BRCA1: variants seen among roughly 807,000 people sequenced by gnomAD.
BRCA1 encodes BRCA1 DNA repair associated.
A neutral mutation model predicts 173.7 loss-of-function variants in BRCA1; 140 were observed. The ratio of observed to expected loss-of-function variants is 0.81; its 90% CI spans 0.70 to 0.93. BRCA1 has a LOEUF of 0.93. Among genes scored for constraint, BRCA1 ranks in the 40% least tolerant of loss-of-function variants. BRCA1 has a pLI of 0.00. For missense variants in BRCA1, 1,983 were observed against 2,172.5 expected (o/e 0.91, Z 1.73); for synonymous variants, 662 against 756.0 (o/e 0.88, Z 2.04).
Position 43,106,451 on chromosome 17 carries a change from T to A in BRCA1, c.212+5A>T, listed in dbSNP as rs2054767462. 1 of 1,570,424 alleles carries A rather than the reference T, an allele frequency of 6.4e-7. No homozygotes were observed. Among genetic ancestry groups the A allele is most frequent in the African/African-American group, 1.3e-5 (1 of 74,082 alleles). ...CCAACCTAGCATCATTACCAAATTA[T>A]ATACCTTTTGGTTATATCATTCTTA... On this transcript the variant is annotated splice_donor_5th_base_variant and intron_variant, in intron 4 of 22. Coordinates refer to ENST00000357654, the MANE Select transcript of BRCA1 (RefSeq NM_007294.4).
intron 1 of BRCA1, chr17:43,166,855 G>C (rs551571196): frequency 3.0e-4 from 45 of 152,264 alleles, no homozygotes; most frequent in African/African-American, 1.0e-3. Flanking sequence ...GAGTAGGCAA[G>C]TTCCCAAGAC....
Position 43,044,804 on chromosome 17 carries a change from C to CTTTT in BRCA1, c.*870_*873dup, listed in dbSNP as rs59541324. ...AGAAATCTCTTCTAGTTTCATTTTC[C>CTTTT]TTTTTTTTTTTTTTTTTTTGAGCCA... is the stretch of plus-strand genomic sequence containing the variant. On this transcript the variant is annotated 3_prime_UTR_variant, in exon 23 of 23. Coordinates refer to ENST00000357654, the MANE Select transcript of BRCA1 (RefSeq NM_007294.4). 7 of 381,476 alleles carry CTTTT rather than the reference C, an allele frequency of 1.8e-5. No individual in the cohort carries two copies. Among genetic ancestry groups the CTTTT allele is most frequent in the East Asian group, 5.9e-5 (1 of 16,810 alleles). The allele number at this position is 381,476 out of a possible 1,614,324, so 23.6% of individuals were successfully genotyped here.
chr17:43,105,526 C>G (rs1393922936), intron 4 of BRCA1, among the ~76,000 whole-genome samples: 5 of 152,138 alleles, frequency 3.3e-5, no homozygotes, highest in Non-Finnish European at 5.9e-5. Context: ...TAGGCATGAG[C>G]AATCACACCC....
At chr17:43,101,699 A>G (rs1389166722) in intron 6 of BRCA1, among the ~76,000 whole-genome samples, 2 of 150,968 alleles carry the variant, frequency 1.3e-5, no homozygotes, top group East Asian at 3.9e-4. Flanking sequence ...GATGGGTTTC[A>G]CCATGTTGGC....
At chr17:43,100,721 G>A (rs1381677867) in intron 6 of BRCA1, among the ~76,000 whole-genome samples, 2 of 78,302 alleles carry the variant, frequency 2.6e-5, no homozygotes, top group Non-Finnish European at 5.6e-5. Flanking sequence ...AGCACTTTGG[G>A]ATATATGTGT....
At chr17:43,099,129 CTCT>C (rs1022059320) in intron 7 of BRCA1, among the ~76,000 whole-genome samples, 7 of 151,012 alleles carry the variant, frequency 4.6e-5, no homozygotes, top group African/African-American at 1.5e-4. Flanking sequence ...GGCAATTCAG[CTCT>C]TCTTAAAAGG....
intron 1 of BRCA1, chr17:43,138,682 T>C: frequency 1.3e-6 from 1 of 779,154 alleles, no homozygotes; most frequent in South Asian, 1.3e-5. Flanking sequence ...GAAGCACACA[T>C]CAAGGCTCCC....
upstream of BRCA1, among the ~76,000 whole-genome samples, chr17:43,128,676 A>C (rs916533550): frequency 1.3e-5 from 2 of 152,186 alleles, no homozygotes; most frequent in Non-Finnish European, 2.9e-5. Context: ...TCTGCAAGTT[A>C]AAAAATGACA....
At chr17:43,138,039 T>G in intron 1 of BRCA1, 1 of 155,400 alleles carries the variant, frequency 6.4e-6, no homozygotes. Flanking sequence ...ATACAAAAAT[T>G]AGCCGGGCAT....
intron 6 of BRCA1, among the ~76,000 whole-genome samples, chr17:43,100,944 T>C (rs1333212066): frequency 2.0e-5 from 3 of 151,272 alleles, no homozygotes; most frequent in African/African-American, 4.9e-5. Flanking sequence ...TTGGCCAGGC[T>C]GGTCTCACAC....
chr17:43,131,934 C>A (rs1215544231), intron 1 of BRCA1, among the ~76,000 whole-genome samples: 3 of 152,024 alleles, frequency 2.0e-5, no homozygotes, highest in African/African-American at 7.2e-5. Flanking sequence ...CAGGCATGCA[C>A]CACCATGCCT....
At chr17:43,126,847 C>T (rs1249863295), upstream of BRCA1, among the ~76,000 whole-genome samples, 2 of 152,126 alleles carry the variant, frequency 1.3e-5, no homozygotes, top group African/African-American at 2.4e-5. Context: ...GAGGGAGAGG[C>T]GGGTGTGGGA....
chr17:43,068,283 A>T lies in BRCA1; in HGVS notation c.4987-588T>A, dbSNP rs573093235. Among the ~76,000 whole-genome samples the T allele has an allele frequency of 2.0e-5, 3 of 152,192 alleles. No homozygotes were observed. The South Asian group carries it at 6.2e-4, about 32-fold the overall frequency. ...GAGTGCGAGACTCCGTCTCAAAAAA[A>T]AAAAAAAGATACCTGAAGTCTCAAA... On this transcript the variant is annotated intron_variant, in intron 15 of 22. Coordinates refer to ENST00000357654, the MANE Select transcript of BRCA1 (RefSeq NM_007294.4).
chr17:43,045,489 C>T lies in BRCA1; in HGVS notation c.*189G>A, dbSNP rs2050841842. 1.1e-6 allele frequency: 1 copy of T among 923,292 alleles called. No homozygotes were observed. The allele number at this position is 923,292 out of a possible 1,614,324, so 57.2% of individuals were successfully genotyped here. On this transcript the variant is annotated 3_prime_UTR_variant, in exon 23 of 23. Transcript: ENST00000357654. ...GCTCATGGCAGATTTCCAAGGGAGA[C>T]TTCAAGCAGAAAATCTTTAAGGGAC...
intron 14 of BRCA1, among the ~76,000 whole-genome samples, chr17:43,071,868 C>T (rs1331371342): frequency 1.3e-5 from 2 of 151,062 alleles, no homozygotes; most frequent in Non-Finnish European, 2.9e-5. Flanking sequence ...ATTAGCTGGG[C>T]GTGGTGGCGG....
intron 20 of BRCA1, among the ~76,000 whole-genome samples, chr17:43,050,765 T>C (rs562250383): frequency 5.9e-5 from 9 of 152,104 alleles, no homozygotes; most frequent in Non-Finnish European, 1.0e-4. Context: ...TATCCAAAGA[T>C]ATTTTCTCAC....
chr17:43,061,431 G>T (rs528926020), intron 18 of BRCA1, among the ~76,000 whole-genome samples: 2 of 152,044 alleles, frequency 1.3e-5, no homozygotes, highest in African/African-American at 4.8e-5. Context: ...ATCCTACCAG[G>T]GACTTAGTTA....
rs185491313 is a variant in BRCA1, at chr17:43,141,017, G to T, written c.-19-16902C>A. On this transcript the variant is annotated intron_variant, in intron 1 of 7. Coordinates refer to the BRCA1 transcript ENST00000634433. ...TTGGCCTTGTGTCCACCTTTCTGTGGCACTCAGGTCTCACTTAAGAGCTGG... is the reference window on the plus strand; with the variant it reads ...TTGGCCTTGTGTCCACCTTTCTGTGTCACTCAGGTCTCACTTAAGAGCTGG... 2.6e-5 allele frequency among the ~76,000 whole-genome samples: 4 copies of T among 152,244 alleles called. No homozygotes were observed. The East Asian group carries it at 7.7e-4, about 29-fold the overall frequency.
chr17:43,135,907 C>A (rs33961729), intron 1 of BRCA1, among the ~76,000 whole-genome samples: 45,743 of 152,144 alleles, frequency 0.3, 7,442 homozygotes, highest in South Asian at 0.49. Context: ...CTCTCACACC[C>A]TCAGCACCCT....
Sources: allele counts gnomAD v4.1 joint callset (sites outside exome capture counted in the v4.1 genomes callset), GRCh38; gene constraint gnomAD v4.1.1; transcripts MANE v1.5; gene names NCBI Gene and HGNC (gene_info 2026-07-23, HGNC 2026-07-21).